KCNMB2: variants seen among roughly 807,000 people sequenced by gnomAD.
The protein encoded by KCNMB2 is potassium calcium-activated channel subfamily M regulatory beta subunit 2.
Under a neutral mutation model 24.5 loss-of-function variants are expected in KCNMB2, and 9 were observed. The observed-to-expected ratio is 0.37, with a 90% CI of 0.22 to 0.64. The LOEUF is 0.64. Among genes scored for constraint, KCNMB2 ranks in the 30% least tolerant of loss-of-function variants. The pLI is 0.63. For missense variants in KCNMB2, 226 were observed against 284.3 expected (o/e 0.79, Z 1.47); for synonymous variants, 109 against 104.4 (o/e 1.04, Z -0.27).
chr3:178,739,418 G>A (rs1294583576), intron 1 of KCNMB2, among the ~76,000 whole-genome samples: 1 of 152,060 alleles, frequency 6.6e-6, no homozygotes, highest in African/African-American at 2.4e-5. Context: ...TTACCTCTGG[G>A]GACAACTCCA....
At chr3:178,811,785 G>C (rs1714203499) in intron 2 of KCNMB2, among the ~76,000 whole-genome samples, 1 of 152,146 alleles carries the variant, frequency 6.6e-6, no homozygotes, top group East Asian at 1.9e-4. Flanking sequence ...GTAATGCCAT[G>C]GTTTTCCAAA....
chr3:178,708,330 G>A (rs1396729744), intron 1 of KCNMB2, among the ~76,000 whole-genome samples: 1 of 152,088 alleles, frequency 6.6e-6, no homozygotes, highest in East Asian at 1.9e-4. Flanking sequence ...TAATGGTGAT[G>A]GAAGCCAGCT....
At chr3:178,746,763 G>C (rs1278186809) in intron 1 of KCNMB2, among the ~76,000 whole-genome samples, 1 of 152,142 alleles carries the variant, frequency 6.6e-6, no homozygotes, top group South Asian at 2.1e-4. Flanking sequence ...TCTAGGGCAG[G>C]GGCAAAATGC....
intron 1 of KCNMB2, among the ~76,000 whole-genome samples, chr3:178,692,940 A>C (rs1476929989): frequency 6.6e-6 from 1 of 152,166 alleles, no homozygotes; most frequent in Non-Finnish European, 1.5e-5. Context: ...CATGTTTTGC[A>C]GTTCTCCTAA....
At chr3:178,668,693 T>C (rs1027884956) in intron 1 of KCNMB2, among the ~76,000 whole-genome samples, 1 of 152,172 alleles carries the variant, frequency 6.6e-6, no homozygotes, top group African/African-American at 2.4e-5. Flanking sequence ...CTTATGTATG[T>C]GTGGGCATTG....
rs149799361 is a variant in KCNMB2, at chr3:178,716,820, G to A, written c.-67-90523G>A. ...TGCATATTAGTAACTGCAGGAAGTT[G>A]GGAGGAACGGGTCCCTGGACCAAAT... is the stretch of plus-strand genomic sequence containing the variant. On this transcript the variant is annotated intron_variant, in intron 1 of 4. Transcript: ENST00000452583. Among the ~76,000 whole-genome samples the A allele has an allele frequency of 8.8e-3, 1,341 of 152,208 alleles. 21 individuals are homozygous for A. Among genetic ancestry groups the A allele is most frequent in the African/African-American group, 0.03 (1,256 of 41,512 alleles).
At chr3:178,683,427 T>G (rs1242250251) in intron 1 of KCNMB2, among the ~76,000 whole-genome samples, 2 of 152,062 alleles carry the variant, frequency 1.3e-5, no homozygotes, top group East Asian at 1.9e-4. Flanking sequence ...CTCAGCATCA[T>G]GCAATATATC....
chr3:178,737,060 A>G (rs909206301), intron 1 of KCNMB2, among the ~76,000 whole-genome samples: 3 of 152,172 alleles, frequency 2.0e-5, no homozygotes, highest in African/African-American at 7.2e-5. Flanking sequence ...ACTTGAGGGC[A>G]GGAGTTCAAG....
At chr3:178,652,616 CT>C (rs969598209) in intron 1 of KCNMB2, among the ~76,000 whole-genome samples, 10 of 147,556 alleles carry the variant, frequency 6.8e-5, no homozygotes, top group East Asian at 5.9e-4. Flanking sequence ...CTCTTTGCTC[CT>C]TTTTTTTTCT....
chr3:178,788,385 T>C (rs772668617), intron 1 of KCNMB2, among the ~76,000 whole-genome samples: 1 of 152,186 alleles, frequency 6.6e-6, no homozygotes, highest in Non-Finnish European at 1.5e-5. Context: ...GTGTTTTCCA[T>C]TTCTTCAGAG....
At chr3:178,723,739 T>C (rs1369075277) in intron 1 of KCNMB2, among the ~76,000 whole-genome samples, 1 of 152,184 alleles carries the variant, frequency 6.6e-6, no homozygotes, top group Non-Finnish European at 1.5e-5. Context: ...GAATATGTGG[T>C]ACTTTATTTT....
At chr3:178,568,133 G>A (rs1023408358) in intron 1 of KCNMB2, among the ~76,000 whole-genome samples, 3 of 152,000 alleles carry the variant, frequency 2.0e-5, no homozygotes, top group African/African-American at 7.2e-5. Flanking sequence ...ATTAACATAT[G>A]GAAAGCCTAA....
intron 1 of KCNMB2, among the ~76,000 whole-genome samples, chr3:178,672,920 T>G (rs1193002573): frequency 6.6e-6 from 1 of 152,150 alleles, no homozygotes; most frequent in Non-Finnish European, 1.5e-5. Context: ...TAATCTAAAT[T>G]TGAAGCATCC....
At chr3:178,744,323 C>G (rs572344546) in intron 1 of KCNMB2, among the ~76,000 whole-genome samples, 5 of 152,328 alleles carry the variant, frequency 3.3e-5, no homozygotes, top group Admixed American at 2.0e-4. Flanking sequence ...AACTATTGTA[C>G]AATTCCTTCT....
intron 1 of KCNMB2, among the ~76,000 whole-genome samples, chr3:178,609,882 C>T (rs1718419546): frequency 6.6e-6 from 1 of 152,188 alleles, no homozygotes; most frequent in South Asian, 2.1e-4. Flanking sequence ...AAGCAATCCA[C>T]ATACCTTGGC....
chr3:178,774,728 C>G (rs1013120802), intron 1 of KCNMB2, among the ~76,000 whole-genome samples: 1 of 152,218 alleles, frequency 6.6e-6, no homozygotes, highest in Non-Finnish European at 1.5e-5. Context: ...CCCATTTAAA[C>G]TTGAAATGAC....
chr3:178,806,670 C>T (rs1397202806), intron 1 of KCNMB2, among the ~76,000 whole-genome samples: 1 of 142,544 alleles, frequency 7.0e-6, no homozygotes, highest in Non-Finnish European at 1.5e-5. Flanking sequence ...AAGAACTTCT[C>T]CCAAAGCCAA....
intron 1 of KCNMB2, among the ~76,000 whole-genome samples, chr3:178,731,854 G>A (rs1452221927): frequency 1.3e-5 from 2 of 152,238 alleles, no homozygotes; most frequent in Non-Finnish European, 2.9e-5. Flanking sequence ...AGTGAGCCTA[G>A]GTTGTGCCGC....
At position 178,635,408 on chromosome 3, in the gene KCNMB2, TACACACAC is replaced by T. The variant is rs58294929; in HGVS notation, c.-68+98726_-68+98733del. Among the ~76,000 whole-genome samples the T allele has an allele frequency of 9.4e-3, 1,365 of 144,960 alleles. 19 individuals carry two copies. The highest frequency in any genetic ancestry group is 0.032 in the African/African-American group (1,260 of 39,188). On this transcript the variant is annotated intron_variant, in intron 1 of 4. Coordinates refer to ENST00000452583, the MANE Select transcript of KCNMB2 (RefSeq NM_181361.3). ...TATCCCTTACACAGGTGCTTATGCA[TACACACAC>T]ACACACACACACACACACACACACA...
Sources: allele counts gnomAD v4.1 joint callset (sites outside exome capture counted in the v4.1 genomes callset), GRCh38; gene constraint gnomAD v4.1.1; transcripts MANE v1.5; gene names NCBI Gene and HGNC (gene_info 2026-07-23, HGNC 2026-07-21).